USP3: variants seen among roughly 807,000 people sequenced by gnomAD.
USP3 encodes the protein ubiquitin specific peptidase 3.
In USP3, 20 loss-of-function variants were observed where a neutral mutation model predicts 72.3. The ratio of observed to expected loss-of-function variants is 0.28; its 90% CI spans 0.19 to 0.40. The LOEUF is 0.40. Ranked by LOEUF, USP3 falls within the 10% of genes least tolerant of loss-of-function variation. The probability of loss-of-function intolerance (pLI) is 1.00; values close to 1 mark genes in which losing one functional copy is unlikely to be tolerated. For missense variants in USP3, 479 were observed against 633.9 expected, an observed-to-expected ratio of 0.76 and a Z score of 2.62; for synonymous variants, 222 against 225.3, an observed-to-expected ratio of 0.99 and a Z score of 0.13.
intron 1 of USP3, among the ~76,000 whole-genome samples, chr15:63,506,802 G>A (rs1301327055): frequency 6.6e-6 from 1 of 152,218 alleles, no homozygotes; most frequent in Non-Finnish European, 1.5e-5. Flanking sequence ...CTGACATATA[G>A]CTTTGCAAGC....
In USP3 at chr15:63,547,888, G is replaced by GAGAGAAAGAGAGGCAT. The variant is rs1555446521; in HGVS notation, c.285-5822_285-5821insAAGAGAGGCATAGAGA. Among the ~76,000 whole-genome samples, 5 of 73,236 alleles carry GAGAGAAAGAGAGGCAT rather than the reference G, an allele frequency of 6.8e-5. 1 individual carries two copies. The highest frequency in any genetic ancestry group is 1.4e-4 in the Non-Finnish European group (5 of 34,534). The allele number at this position is 73,236 out of a possible 152,430, so 48.0% of individuals were successfully genotyped here. A position where few individuals can be genotyped will look rare whatever the true frequency, so the allele number is the denominator to read the frequency against. ...GCATAGAGAGAGAGAGAGAGAGAGA[G>GAGAGAAAGAGAGGCAT]AGAGAGAGGCATAGAGAGAGGCATA... On this transcript the variant is annotated intron_variant, in intron 3 of 14. Transcript: ENST00000380324.
intron 1 of USP3, among the ~76,000 whole-genome samples, chr15:63,508,452 A>G (rs932081210): frequency 6.6e-6 from 1 of 152,190 alleles, no homozygotes; most frequent in Admixed American, 6.5e-5. Context: ...AACTAGTTAG[A>G]AGATACATCC....
chr15:63,552,430 A>G (rs762098168), intron 3 of USP3, among the ~76,000 whole-genome samples: 61 of 152,248 alleles, frequency 4.0e-4, no homozygotes, highest in African/African-American at 1.4e-3. Flanking sequence ...CCAATGAAGA[A>G]TTTTTTCTCC....
intron 1 of USP3, among the ~76,000 whole-genome samples, chr15:63,507,951 A>G (rs1345523170): frequency 6.6e-6 from 1 of 152,214 alleles, no homozygotes; most frequent in Admixed American, 6.5e-5. Context: ...TTTCAAAACA[A>G]AAATTTAGTG....
chr15:63,583,618 T>C (rs1203532747), intron 11 of USP3, among the ~76,000 whole-genome samples: 3 of 152,200 alleles, frequency 2.0e-5, no homozygotes, highest in Non-Finnish European at 2.9e-5. Context: ...AGAAACTCTG[T>C]ACCCATTAAA....
In USP3 at chr15:63,544,067, A is replaced by C. The variant is rs2066284642; in HGVS notation, c.284+6911A>C. Among the ~76,000 whole-genome samples the C allele has an allele frequency of 2.0e-5, 3 of 151,154 alleles. No homozygotes were observed. The South Asian group carries it at 6.2e-4, about 31-fold the overall frequency. ...TTTAAAAAAAAAAAAAAAGGAAATT[A>C]GTTTAATAATAGTATGAAGATATTG... On this transcript the variant is annotated intron_variant, in intron 3 of 14. Transcript: ENST00000380324. This position sits in a 1 kb window ranked among gnomAD's most constrained non-coding sequence, Gnocchi z 4.2.
At chr15:63,541,958 T>C (rs2066252000) in intron 3 of USP3, 1 of 680,898 alleles carries the variant, frequency 1.5e-6, no homozygotes, top group Non-Finnish European at 1.8e-6. Flanking sequence ...TGGCTTACTG[T>C]ATAAAGATAG....
At chr15:63,519,785 A>T (rs2065893751) in intron 1 of USP3, among the ~76,000 whole-genome samples, 1 of 152,172 alleles carries the variant, frequency 6.6e-6, no homozygotes, top group African/African-American at 2.4e-5. Context: ...TTTACATGTT[A>T]GTTGGCATTC....
chr15:63,552,746 C>T (rs1333095453), intron 3 of USP3, among the ~76,000 whole-genome samples: 2 of 152,028 alleles, frequency 1.3e-5, no homozygotes, highest in African/African-American at 2.4e-5. Context: ...TTCTTTCTCC[C>T]TCTTTTTAAT....
At chr15:63,566,497 TA>T (rs1198226993) in intron 8 of USP3, among the ~76,000 whole-genome samples, 3 of 152,014 alleles carry the variant, frequency 2.0e-5, no homozygotes, top group African/African-American at 7.3e-5. Flanking sequence ...GTATTTTTAA[TA>T]GAGACGGGAT....
intron 1 of USP3, among the ~76,000 whole-genome samples, chr15:63,517,369 T>C (rs1020787580): frequency 1.5e-4 from 23 of 152,204 alleles, no homozygotes; most frequent in African/African-American, 4.8e-4. Context: ...GTTCAGAGTA[T>C]GTTGGTTTTG....
rs980494517 is a variant in USP3, at chr15:63,594,470, G to A, written c.*3644G>A. ...CTCTAGACTGCCTTCCATGAGTGTT[G>A]GTCATGCTATGATGTCATCATTTGC... is the stretch of plus-strand genomic sequence containing the variant. On this transcript the variant is annotated 3_prime_UTR_variant, in exon 15 of 15. Transcript: ENST00000380324. 6.6e-6 allele frequency: 1 copy of A among 152,140 alleles called. No individual in the cohort carries two copies. The highest frequency in any genetic ancestry group is 2.4e-5 in the African/African-American group (1 of 41,408). The allele number at this position is 152,140 out of a possible 1,614,324, so 9.4% of individuals were successfully genotyped here. A position where few individuals can be genotyped will look rare whatever the true frequency, so the allele number is the denominator to read the frequency against.
At position 63,574,551 on chromosome 15, in the gene USP3, A is replaced by G. The variant is rs944736880; in HGVS notation, c.1096+148A>G. ...AAGTCAAACTTGAATGTCTTTTCCT[A>G]CTCCCCAAAATGTTATTGAATAAGA... On this transcript the variant is annotated intron_variant, in intron 11 of 14. Transcript: ENST00000380324. This position sits in a 1 kb window ranked among gnomAD's most constrained non-coding sequence, Gnocchi z 4.6. 1 of 542,022 alleles carries G rather than the reference A, an allele frequency of 1.8e-6. No homozygotes were observed. The highest frequency in any genetic ancestry group is 3.3e-5 in the East Asian group (1 of 30,100). 33.6% of individuals were successfully genotyped at this position (542,022 alleles called of 1,614,324 possible).
intron 14 of USP3, among the ~76,000 whole-genome samples, chr15:63,589,524 G>A (rs1489892815): frequency 3.3e-5 from 5 of 152,034 alleles, no homozygotes; most frequent in African/African-American, 1.2e-4. Flanking sequence ...TCCTTTTCCC[G>A]CAGAGCTGTG....
chr15:63,519,929 G>A lies in USP3; in HGVS notation c.92-12718G>A, dbSNP rs1429366754. ...GCTCAAATTAGCTTATATTTAGCTG[G>A]TGGGAGCACCCTTAAGCTGTGATTT... On this transcript the variant is annotated intron_variant, in intron 1 of 14. Coordinates refer to ENST00000380324, the MANE Select transcript of USP3 (RefSeq NM_006537.4). Among the ~76,000 whole-genome samples, 5 of 151,966 alleles carry A rather than the reference G, an allele frequency of 3.3e-5. No individual in the cohort carries two copies. The East Asian group carries it at 9.6e-4, about 29-fold the overall frequency.
chr15:63,504,838 C>A lies in USP3; in HGVS notation c.91+8C>A. ...CGTCCTGGTGCTGCAGCGGTGAGTG[C>A]GGCCACGGGCCGGCCCCGCAGCGCA... On this transcript the variant is annotated splice_region_variant and intron_variant, in intron 1 of 14. Coordinates refer to ENST00000380324, the MANE Select transcript of USP3 (RefSeq NM_006537.4). 3 of 1,596,394 alleles carry A rather than the reference C, an allele frequency of 1.9e-6. No individual in the cohort carries two copies. The highest frequency in any genetic ancestry group is 2.6e-6 in the Non-Finnish European group (3 of 1,173,214).
rs575000823 is a variant in USP3 at position 63,504,601 on chromosome 15, G to A, written c.-139G>A. 6 of 635,144 alleles carry A rather than the reference G, an allele frequency of 9.4e-6. No individual in the cohort carries two copies. Among genetic ancestry groups the A allele is most frequent in the African/African-American group, 7.7e-5 (4 of 52,180 alleles). 39.3% of individuals were successfully genotyped at this position (635,144 alleles called of 1,614,324 possible). A position where few individuals can be genotyped will look rare whatever the true frequency, so the allele number is the denominator to read the frequency against. On this transcript the variant is annotated 5_prime_UTR_variant, in exon 1 of 15. Transcript: ENST00000380324. Reference sequence around the variant, plus strand: ...GCGTCCGGAAGCCCGTGCTTTCTTTGACGCAAGGGCTCGAGACGCAGCCGC... The same window carrying A: ...GCGTCCGGAAGCCCGTGCTTTCTTTAACGCAAGGGCTCGAGACGCAGCCGC...
intron 1 of USP3, among the ~76,000 whole-genome samples, chr15:63,514,791 A>G (rs2065830270): frequency 6.6e-6 from 1 of 152,180 alleles, no homozygotes; most frequent in African/African-American, 2.4e-5. Context: ...TTGAAATAAT[A>G]GTTGAGTGGT....
At chr15:63,505,166 C>A (rs1567085735) in intron 1 of USP3, among the ~76,000 whole-genome samples, 1 of 151,854 alleles carries the variant, frequency 6.6e-6, no homozygotes, top group Non-Finnish European at 1.5e-5. Context: ...GGGGGCTGTG[C>A]CCGTCCGTGT....
Sources: allele counts gnomAD v4.1 joint callset (sites outside exome capture counted in the v4.1 genomes callset), GRCh38; gene constraint gnomAD v4.1.1; non-coding constraint Gnocchi (gnomAD v3.1); transcripts MANE v1.5; gene names NCBI Gene and HGNC (gene_info 2026-07-23, HGNC 2026-07-21).